The following MCU variants were observed in gnomAD, a reference collection of about 807,000 sequenced individuals.
The protein encoded by MCU is mitochondrial calcium uniporter.
Under a neutral mutation model 45.2 loss-of-function variants are expected in MCU, and 12 were observed. The ratio of observed to expected loss-of-function variants is 0.27; its 90% CI spans 0.17 to 0.43. The LOEUF (loss-of-function observed/expected upper bound fraction) is 0.43, where lower values mean the gene tolerates loss of function less well. MCU is among the 20% of genes least tolerant of loss of function. The probability of loss-of-function intolerance (pLI) is 1.00; values close to 1 mark genes in which losing one functional copy is unlikely to be tolerated. For missense variants in MCU, 324 were observed against 436.7 expected, an observed-to-expected ratio of 0.74 and a Z score of 2.30; for synonymous variants, 160 against 165.1, an observed-to-expected ratio of 0.97 and a Z score of 0.24.
chr10:72,704,908 A>T (rs1034237515), intron 1 of MCU, among the ~76,000 whole-genome samples: 3 of 151,824 alleles, frequency 2.0e-5, no homozygotes, highest in African/African-American at 7.3e-5. Flanking sequence ...TTTAGTGGAG[A>T]TAGGGTTTCA....
intron 1 of MCU, among the ~76,000 whole-genome samples, chr10:72,819,620 A>G (rs1844679314): frequency 6.7e-6 from 1 of 150,274 alleles, no homozygotes; most frequent in South Asian, 2.1e-4. Context: ...AAATACCCTT[A>G]TTTTTTATTT....
intron 1 of MCU, among the ~76,000 whole-genome samples, chr10:72,719,625 A>G (rs1842995423): frequency 6.6e-6 from 1 of 152,188 alleles, no homozygotes; most frequent in African/African-American, 2.4e-5. Flanking sequence ...CACTTAACAT[A>G]ACCAGAATGT....
intron 1 of MCU, among the ~76,000 whole-genome samples, chr10:72,798,537 G>A (rs1443428476): frequency 1.3e-5 from 2 of 152,070 alleles, no homozygotes; most frequent in East Asian, 1.9e-4. Context: ...TGATCCATCC[G>A]CCTCAGCCTC....
At chr10:72,745,852 GTATA>G (rs1482740469) in intron 1 of MCU, among the ~76,000 whole-genome samples, 2 of 152,134 alleles carry the variant, frequency 1.3e-5, no homozygotes, top group Non-Finnish European at 2.9e-5. Context: ...TTGTGGTAAA[GTATA>G]CATAACATAA....
chr10:72,774,067 T>A lies in MCU; in HGVS notation c.151-60292T>A, dbSNP rs768371569. Among the ~76,000 whole-genome samples the A allele has an allele frequency of 2.0e-5, 3 of 152,140 alleles. No homozygotes were observed. In the South Asian group the frequency reaches 6.2e-4, roughly 32 times the overall value. ...CATATAACATAAACTTTTCAACATA[T>A]AAAATCCACTGGTAAAATTAAGTAC... On this transcript the variant is annotated intron_variant, in intron 1 of 7. Coordinates refer to ENST00000373053, the MANE Select transcript of MCU (RefSeq NM_138357.3).
chr10:72,862,458 G>T (rs1020003915), intron 4 of MCU, among the ~76,000 whole-genome samples: 1 of 152,174 alleles, frequency 6.6e-6, no homozygotes, highest in African/African-American at 2.4e-5. Context: ...TGACAGTGGG[G>T]GCGGGGGCAG....
chr10:72,705,689 A>G (rs1033762896), intron 1 of MCU, among the ~76,000 whole-genome samples: 1 of 152,174 alleles, frequency 6.6e-6, no homozygotes, highest in Non-Finnish European at 1.5e-5. Flanking sequence ...GTGGTGGCAC[A>G]AGCCTGTAAT....
intron 1 of MCU, among the ~76,000 whole-genome samples, chr10:72,752,151 C>T (rs574710650): frequency 6.6e-6 from 1 of 151,908 alleles, no homozygotes; most frequent in African/African-American, 2.4e-5. Context: ...ACATTTATAT[C>T]TTTAATTCAT....
intron 2 of MCU, among the ~76,000 whole-genome samples, chr10:72,844,617 T>C (rs1205196239): frequency 1.3e-5 from 2 of 152,136 alleles, no homozygotes; most frequent in Non-Finnish European, 2.9e-5. Context: ...TGCGGTAATG[T>C]ATAAGGAAGC....
intron 1 of MCU, among the ~76,000 whole-genome samples, chr10:72,763,393 C>T (rs945963235): frequency 1.7e-4 from 26 of 151,826 alleles, no homozygotes; most frequent in Admixed American, 1.1e-3. Flanking sequence ...CTGGGTGAAG[C>T]GGGAGTATGA....
intron 1 of MCU, among the ~76,000 whole-genome samples, chr10:72,737,449 G>A (rs189369945): frequency 2.7e-4 from 41 of 152,240 alleles, no homozygotes; most frequent in African/African-American, 9.6e-4. Flanking sequence ...TGTAAAGAGA[G>A]GGGGTAAGGG....
intron 1 of MCU, among the ~76,000 whole-genome samples, chr10:72,717,499 T>C (rs972162949): frequency 2.0e-5 from 3 of 152,144 alleles, no homozygotes; most frequent in African/African-American, 7.2e-5. Flanking sequence ...CCTCAGGTGA[T>C]CCACCCGCTT....
chr10:72,779,451 A>C (rs1444387306), intron 1 of MCU, among the ~76,000 whole-genome samples: 2 of 152,164 alleles, frequency 1.3e-5, no homozygotes, highest in Non-Finnish European at 2.9e-5. Flanking sequence ...AAAATTGAAA[A>C]CTTCTGTGGT....
At chr10:72,859,082 A>C (rs538704709) in intron 2 of MCU, 95 bp from the exon 3 acceptor site, 2 of 1,186,322 alleles carry the variant, frequency 1.7e-6, no homozygotes, top group African/African-American at 3.1e-5. Context: ...TTTAAATCAC[A>C]CTAATAATAG....
chr10:72,745,156 C>T (rs544677067), intron 1 of MCU, among the ~76,000 whole-genome samples: 6 of 152,202 alleles, frequency 3.9e-5, no homozygotes, highest in African/African-American at 1.2e-4. Flanking sequence ...TTTCTTAAAG[C>T]AAGCTGGTTT....
At chr10:72,767,055 T>C (rs1843737659) in intron 1 of MCU, 1 of 152,224 alleles carries the variant, frequency 6.6e-6, no homozygotes, top group South Asian at 2.1e-4. Context: ...TTCTATAAGT[T>C]CCCTTGTGCT....
chr10:72,883,949 T>TG (rs113350355), intron 6 of MCU, among the ~76,000 whole-genome samples: 143 of 151,792 alleles, frequency 9.4e-4, no homozygotes, highest in African/African-American at 3.4e-3. Flanking sequence ...GTCAAGAGAG[T>TG]GATTACTTTG....
At chr10:72,791,694 C>A (rs1175539374) in intron 1 of MCU, among the ~76,000 whole-genome samples, 1 of 152,098 alleles carries the variant, frequency 6.6e-6, no homozygotes, top group East Asian at 1.9e-4. Context: ...TGCAACTAAT[C>A]TGAATAATTA....
chr10:72,736,510 C>G (rs1285619021), intron 1 of MCU: 1 of 152,142 alleles, frequency 6.6e-6, no homozygotes, highest in Non-Finnish European at 1.5e-5. Flanking sequence ...CCCCCAGAGA[C>G]CAAGGGTTGG....
Sources: gnomAD v4.1 joint callset for allele counts (sites outside exome capture counted in the v4.1 genomes callset) on GRCh38, gnomAD v4.1.1 for gene constraint, MANE v1.5 for transcripts, NCBI Gene and HGNC (gene_info 2026-07-23, HGNC 2026-07-21) for gene names.